The following PABPC4L variants were observed in gnomAD, a reference collection of about 807,000 sequenced individuals.
The protein encoded by PABPC4L is poly(A) binding protein cytoplasmic 4 like, also known as polyadenylate-binding protein 4-like.
For missense variants in PABPC4L, 452 were observed against 451.4 expected, an observed-to-expected ratio of 1.00 and a Z score of -0.01; for synonymous variants, 169 against 164.1, an observed-to-expected ratio of 1.03 and a Z score of -0.23.
chr4:134,100,950 T>A, the PABPC4L span, among the ~76,000 whole-genome samples: 3 of 151,600 alleles, frequency 2.0e-5, no homozygotes, highest in African/African-American at 7.2e-5. Context: ...AGTGATGTAT[T>A]TTCTTTCATT....
the PABPC4L span, among the ~76,000 whole-genome samples, chr4:134,049,577 G>A: frequency 6.6e-6 from 1 of 152,054 alleles, no homozygotes; most frequent in Non-Finnish European, 1.5e-5. Flanking sequence ...GGAAAAACTA[G>A]CCTCCAGAGT....
At chr4:134,109,724 A>C in the PABPC4L span, among the ~76,000 whole-genome samples, 200 of 152,104 alleles carry the variant, frequency 1.3e-3, no homozygotes, top group African/African-American at 4.5e-3. Flanking sequence ...TTTAAATCAA[A>C]GATTTTATTA....
At chr4:134,083,203 A>T in the PABPC4L span, among the ~76,000 whole-genome samples, 2 of 152,148 alleles carry the variant, frequency 1.3e-5, no homozygotes, top group East Asian at 3.8e-4. Context: ...GATGGTTTAC[A>T]TTGAGTCTCT....
At chr4:133,948,942 C>T in the PABPC4L span, among the ~76,000 whole-genome samples, 1 of 152,166 alleles carries the variant, frequency 6.6e-6, no homozygotes, top group African/African-American at 2.4e-5. Context: ...TTATAGTAAC[C>T]CTGGGTGAGC....
At chr4:134,060,646 C>A in the PABPC4L span, among the ~76,000 whole-genome samples, 1 of 151,736 alleles carries the variant, frequency 6.6e-6, no homozygotes, top group Non-Finnish European at 1.5e-5. Flanking sequence ...CCTGGCAGGA[C>A]CCATCACCTG....
At chr4:134,054,895 C>G in the PABPC4L span, among the ~76,000 whole-genome samples, 2 of 151,964 alleles carry the variant, frequency 1.3e-5, no homozygotes, top group African/African-American at 4.8e-5. Context: ...TCCAAGAATT[C>G]AATTGCTGGA....
chr4:134,126,868 T>C, the PABPC4L span, among the ~76,000 whole-genome samples: 1 of 152,120 alleles, frequency 6.6e-6, no homozygotes, highest in African/African-American at 2.4e-5. Flanking sequence ...GGGAGGCTTG[T>C]AGCCTGGGGC....
the PABPC4L span, among the ~76,000 whole-genome samples, chr4:134,045,477 G>C: frequency 1.3e-5 from 2 of 152,112 alleles, no homozygotes; most frequent in Non-Finnish European, 2.9e-5. Flanking sequence ...TATGAGAACT[G>C]AAGTGTACAC....
At position 134,199,504 on chromosome 4, in the gene PABPC4L, T is replaced by C. The variant is rs1729774468; in HGVS notation, c.*403A>G. On this transcript the variant is annotated 3_prime_UTR_variant, in exon 2 of 2. Transcript: ENST00000421491. ...CTGTTGGTAAAAATACTTTGGAATC[T>C]TTAGTTGTAAGAACTATTTTGAGCA... 1 of 153,744 alleles carries C rather than the reference T, an allele frequency of 6.5e-6. No individual in the cohort carries two copies. Among genetic ancestry groups the C allele is most frequent in the African/African-American group, 2.4e-5 (1 of 41,522 alleles). 9.5% of individuals were successfully genotyped at this position (153,744 alleles called of 1,614,324 possible).
chr4:133,996,516 T>G, the PABPC4L span, among the ~76,000 whole-genome samples: 1 of 152,188 alleles, frequency 6.6e-6, no homozygotes, highest in Non-Finnish European at 1.5e-5. Context: ...GATGTAACCC[T>G]AGCCTGAACA....
At chr4:134,176,014 C>G in the PABPC4L span, among the ~76,000 whole-genome samples, 1 of 152,064 alleles carries the variant, frequency 6.6e-6, no homozygotes, top group East Asian at 1.9e-4. Context: ...TAAATTTCTA[C>G]GACTATTTTG....
chr4:133,991,023 T>C, the PABPC4L span, among the ~76,000 whole-genome samples: 1 of 152,180 alleles, frequency 6.6e-6, no homozygotes, highest in East Asian at 1.9e-4. Context: ...TTGTTTTGCA[T>C]CAGGTTTTGT....
At chr4:134,036,051 C>G in the PABPC4L span, among the ~76,000 whole-genome samples, 14 of 151,900 alleles carry the variant, frequency 9.2e-5, no homozygotes, top group Non-Finnish European at 1.6e-4. Flanking sequence ...TTAGGGATTA[C>G]GAGGATTTTA....
the PABPC4L span, among the ~76,000 whole-genome samples, chr4:134,050,526 G>A: frequency 6.6e-6 from 1 of 151,870 alleles, no homozygotes; most frequent in Non-Finnish European, 1.5e-5. Flanking sequence ...CCAACAGGGC[G>A]AAACTCCTTC....
At chr4:134,123,693 A>G in the PABPC4L span, among the ~76,000 whole-genome samples, 4 of 152,220 alleles carry the variant, frequency 2.6e-5, no homozygotes, top group African/African-American at 9.6e-5. Context: ...ATATCTTGGG[A>G]CTTGTGAAGA....
At chr4:134,155,402 C>A in the PABPC4L span, among the ~76,000 whole-genome samples, 1 of 88,432 alleles carries the variant, frequency 1.1e-5, no homozygotes, top group African/African-American at 5.5e-5. Flanking sequence ...ATCATTATTT[C>A]TCTCCCAGTT....
the PABPC4L span, among the ~76,000 whole-genome samples, chr4:134,165,012 C>T: frequency 3.9e-5 from 6 of 151,986 alleles, no homozygotes; most frequent in Non-Finnish European, 7.4e-5. Context: ...ACAATGTACA[C>T]AAAAACATAA....
chr4:134,025,602 C>T, the PABPC4L span, among the ~76,000 whole-genome samples: 1 of 152,050 alleles, frequency 6.6e-6, no homozygotes, highest in African/African-American at 2.4e-5. Context: ...TTATATTTCA[C>T]ATATTTATTT....
At chr4:134,035,916 T>C in the PABPC4L span, among the ~76,000 whole-genome samples, 6 of 152,056 alleles carry the variant, frequency 3.9e-5, no homozygotes, top group Non-Finnish European at 7.4e-5. Flanking sequence ...TTAAATTATA[T>C]GGCCTTATAA....
Sources: gnomAD v4.1 joint callset for allele counts (sites outside exome capture counted in the v4.1 genomes callset) on GRCh38, gnomAD v4.1.1 for gene constraint, MANE v1.5 for transcripts, NCBI Gene and HGNC (gene_info 2026-07-23, HGNC 2026-07-21) for gene names.